Variants in KAT6B observed in about 807,000 individuals in gnomAD.
The protein encoded by KAT6B is lysine acetyltransferase 6B, also known as histone acetyltransferase KAT6B.
A neutral mutation model predicts 187.5 loss-of-function variants in KAT6B; 10 were observed. That is an observed-to-expected ratio of 0.05 (90% confidence interval 0.03 to 0.09). The LOEUF is 0.09. Ranked by LOEUF, KAT6B falls within the 10% of genes least tolerant of loss-of-function variation. KAT6B has a pLI of 1.00. For missense variants in KAT6B, 1,952 were observed against 2,558.9 expected (o/e 0.76, Z 5.12); for synonymous variants, 861 against 926.8 (o/e 0.93, Z 1.29).
At chr10:74,828,721 C>T (rs1469124789) in intron 1 of KAT6B, among the ~76,000 whole-genome samples, 1 of 151,820 alleles carries the variant, frequency 6.6e-6, no homozygotes, top group Non-Finnish European at 1.5e-5. Context: ...GCGCCTGCCA[C>T]CACGCCCCGC....
intron 3 of KAT6B, among the ~76,000 whole-genome samples, chr10:74,920,242 T>G (rs1460788645): frequency 6.6e-6 from 1 of 151,970 alleles, no homozygotes; most frequent in Non-Finnish European, 1.5e-5. Flanking sequence ...GCTGCAAACC[T>G]GTGTGCAGGC....
chr10:75,008,091 A>G (rs1203651598), intron 13 of KAT6B, among the ~76,000 whole-genome samples: 1 of 152,198 alleles, frequency 6.6e-6, no homozygotes, highest in Non-Finnish European at 1.5e-5. Flanking sequence ...AGAAAAACAT[A>G]ATTGAAGGGT....
At chr10:74,841,047 A>G (rs1841709788) in intron 2 of KAT6B, among the ~76,000 whole-genome samples, 1 of 152,246 alleles carries the variant, frequency 6.6e-6, no homozygotes, top group Non-Finnish European at 1.5e-5. Flanking sequence ...TGAAAGTGAT[A>G]ACTATATATT....
chr10:74,918,693 A>G (rs1847892936), intron 3 of KAT6B, among the ~76,000 whole-genome samples: 1 of 152,036 alleles, frequency 6.6e-6, no homozygotes, highest in South Asian at 2.1e-4. Context: ...CAGTGAGCTG[A>G]GATTGTGCTG....
At chr10:74,851,501 T>G (rs1480224371) in intron 3 of KAT6B, among the ~76,000 whole-genome samples, 1 of 152,046 alleles carries the variant, frequency 6.6e-6, no homozygotes, top group Non-Finnish European at 1.5e-5. Context: ...CCCAGCTAAT[T>G]TTTGTATTTT....
chr10:74,898,085 T>TA (rs113439375), intron 3 of KAT6B, among the ~76,000 whole-genome samples: 156 of 149,144 alleles, frequency 1.0e-3, no homozygotes, highest in Admixed American at 2.1e-3. Context: ...TTTCTTTAGT[T>TA]AAAAAAAAAA....
At chr10:74,932,697 G>A (rs1197903618) in intron 3 of KAT6B, among the ~76,000 whole-genome samples, 1 of 152,134 alleles carries the variant, frequency 6.6e-6, no homozygotes, top group African/African-American at 2.4e-5. Flanking sequence ...ATCGACTTAC[G>A]CTGTGAACCC....
At chr10:75,019,659 C>A (rs901317291) in intron 13 of KAT6B, among the ~76,000 whole-genome samples, 3 of 151,980 alleles carry the variant, frequency 2.0e-5, no homozygotes, top group African/African-American at 7.3e-5. Context: ...AGGTAGACAT[C>A]ATTAGCTTAT....
chr10:74,855,871 A>G (rs1842785037), intron 3 of KAT6B, among the ~76,000 whole-genome samples: 1 of 152,164 alleles, frequency 6.6e-6, no homozygotes, highest in African/African-American at 2.4e-5. Context: ...GTTTTTATAC[A>G]TGGGTGTGCG....
At chr10:74,872,913 C>T (rs1406901909) in intron 3 of KAT6B, among the ~76,000 whole-genome samples, 1 of 152,034 alleles carries the variant, frequency 6.6e-6, no homozygotes, top group African/African-American at 2.4e-5. Context: ...GGAAAACTGG[C>T]AAATTTGGAA....
chr10:74,909,095 C>T (rs914353239), intron 3 of KAT6B, among the ~76,000 whole-genome samples: 3 of 152,126 alleles, frequency 2.0e-5, no homozygotes, highest in Admixed American at 1.3e-4. Flanking sequence ...TAAGTAAGGC[C>T]GTGTATGGTG....
chr10:74,869,191 GTT>G (rs1156901865), intron 3 of KAT6B, among the ~76,000 whole-genome samples: 8 of 151,784 alleles, frequency 5.3e-5, no homozygotes, highest in African/African-American at 1.7e-4. Flanking sequence ...TTCCAGATTT[GTT>G]TATGCGCGTG....
At chr10:74,941,756 T>C (rs1262824099) in intron 3 of KAT6B, among the ~76,000 whole-genome samples, 1 of 152,192 alleles carries the variant, frequency 6.6e-6, no homozygotes, top group African/African-American at 2.4e-5. Flanking sequence ...ATCTATCAAA[T>C]CTTTAACAAT....
intron 3 of KAT6B, among the ~76,000 whole-genome samples, chr10:74,850,304 A>G (rs1842395580): frequency 6.6e-6 from 1 of 152,174 alleles, no homozygotes; most frequent in Non-Finnish European, 1.5e-5. Flanking sequence ...GGTAGATGCA[A>G]TGAGCTTATT....
chr10:74,918,031 A>G (rs11001200), intron 3 of KAT6B, among the ~76,000 whole-genome samples: 12,366 of 152,254 alleles, frequency 0.081, 669 homozygotes, highest in South Asian at 0.27. Flanking sequence ...AAATCTCATT[A>G]TTCATACTTA....
chr10:75,016,988 C>T (rs557646526), intron 13 of KAT6B, among the ~76,000 whole-genome samples: 188 of 151,784 alleles, frequency 1.2e-3, no homozygotes, highest in African/African-American at 4.3e-3. Context: ...CTCAGCCTCC[C>T]GAGTAGCTGG....
intron 3 of KAT6B, among the ~76,000 whole-genome samples, chr10:74,918,757 AT>A (rs1172554732): frequency 6.6e-6 from 1 of 152,086 alleles, no homozygotes; most frequent in Admixed American, 6.6e-5. Flanking sequence ...AAAGAAAAGA[AT>A]TTCATTGAGT....
At position 74,926,599 on chromosome 10, in the gene KAT6B, T is replaced by C. The variant is rs186240340; in HGVS notation, c.622-33371T>C. 5.3e-5 allele frequency among the ~76,000 whole-genome samples: 8 copies of C among 152,380 alleles called. No individual in the cohort carries two copies. In the East Asian group the frequency reaches 1.5e-3, roughly 29 times the overall value. ...TCTTGGGCCCATGCCTCTGCACATG[T>C]TGGGCATGTTGTAGTTGTCGTTACT... is the stretch of plus-strand genomic sequence containing the variant. On this transcript the variant is annotated intron_variant, in intron 3 of 17. Transcript: ENST00000287239.
chr10:75,006,786 A>G (rs2134015929), intron 13 of KAT6B, among the ~76,000 whole-genome samples: 1 of 151,752 alleles, frequency 6.6e-6, no homozygotes, highest in South Asian at 2.1e-4. Flanking sequence ...CAATGAAAAT[A>G]AAATGTACGG....
Sources: gnomAD v4.1 joint callset for allele counts (sites outside exome capture counted in the v4.1 genomes callset) on GRCh38, gnomAD v4.1.1 for gene constraint, MANE v1.5 for transcripts, NCBI Gene and HGNC (gene_info 2026-07-23, HGNC 2026-07-21) for gene names.